SLCO3A1: variants seen among roughly 807,000 people sequenced by gnomAD.
SLCO3A1 encodes PGE1 transporter.
SLCO3A1 carries 27 observed loss-of-function variants against 63.1 expected under a neutral mutation model. The observed-to-expected ratio is 0.43, with a 90% CI of 0.32 to 0.59. The LOEUF (loss-of-function observed/expected upper bound fraction) is 0.59, where lower values mean the gene tolerates loss of function less well. SLCO3A1 is among the 20% of genes least tolerant of loss of function. SLCO3A1 has a pLI of 0.09. For missense variants in SLCO3A1, 773 were observed against 945.8 expected, an observed-to-expected ratio of 0.82 and a Z score of 2.40; for synonymous variants, 473 against 409.9, an observed-to-expected ratio of 1.15 and a Z score of -1.86.
intron 2 of SLCO3A1, among the ~76,000 whole-genome samples, chr15:92,077,524 T>C (rs548848551): frequency 6.6e-6 from 1 of 152,248 alleles, no homozygotes; most frequent in South Asian, 2.1e-4. Flanking sequence ...TTCCCTGGCA[T>C]GAGAAAGCGT....
chr15:92,121,871 C>T (rs887123206), intron 5 of SLCO3A1, among the ~76,000 whole-genome samples: 3 of 152,216 alleles, frequency 2.0e-5, no homozygotes, highest in African/African-American at 7.2e-5. Flanking sequence ...CCAAATGTCT[C>T]TGTTGGCTTT....
chr15:92,111,685 A>G (rs567110836), intron 4 of SLCO3A1, among the ~76,000 whole-genome samples: 2 of 152,166 alleles, frequency 1.3e-5, no homozygotes, highest in Non-Finnish European at 2.9e-5. Context: ...GCACTTCTCA[A>G]GTTATTTCAG....
At chr15:91,983,579 C>T (rs1189625740) in intron 2 of SLCO3A1, among the ~76,000 whole-genome samples, 1 of 152,188 alleles carries the variant, frequency 6.6e-6, no homozygotes, top group Non-Finnish European at 1.5e-5. Flanking sequence ...CTCCTGAGAG[C>T]TCAGCTCACT....
intron 1 of SLCO3A1, among the ~76,000 whole-genome samples, chr15:91,876,677 T>C (rs1476326732): frequency 6.6e-6 from 1 of 152,196 alleles, no homozygotes; most frequent in Non-Finnish European, 1.5e-5. Flanking sequence ...AAGTGGTAGG[T>C]TCCGGAGGCC....
In SLCO3A1 at chr15:91,950,815, T is replaced by A. The variant is rs940196092; in HGVS notation, c.646+34357T>A. ...GTATGTGCAATGCTAATTCTGCCTT[T>A]AGTAATTTGATGACAGAGACTTCTT... On this transcript the variant is annotated intron_variant, in intron 2 of 9. Transcript: ENST00000318445. The surrounding 1 kb of genome is among the most constrained non-coding windows in gnomAD (Gnocchi z 4.4). Among the ~76,000 whole-genome samples the A allele has an allele frequency of 1.3e-5, 2 of 152,272 alleles. No individual in the cohort carries two copies. Among genetic ancestry groups the A allele is most frequent in the Non-Finnish European group, 2.9e-5 (2 of 68,024 alleles).
intron 4 of SLCO3A1, among the ~76,000 whole-genome samples, chr15:92,110,828 G>A (rs981333106): frequency 7.2e-5 from 11 of 151,804 alleles, no homozygotes; most frequent in African/African-American, 2.7e-4. Flanking sequence ...AAGCTCCCCT[G>A]CCCCCTACTT....
rs4075845 is a variant in SLCO3A1 at position 91,854,794 on chromosome 15, T to C, written c.180+706T>C. ...AAATTCCCCATCGTGGTCTGTCGCCTACAGAAGGTTGCACCATTTTCCACA... is the reference window on the plus strand; with the variant it reads ...AAATTCCCCATCGTGGTCTGTCGCCCACAGAAGGTTGCACCATTTTCCACA... On this transcript the variant is annotated intron_variant, in intron 1 of 9. Coordinates refer to ENST00000318445, the MANE Select transcript of SLCO3A1 (RefSeq NM_013272.4). The surrounding 1 kb of genome is among the most constrained non-coding windows in gnomAD (Gnocchi z 6.4). 0.33 allele frequency among the ~76,000 whole-genome samples: 50,585 copies of C among 152,052 alleles called. 10,899 individuals are homozygous for C. Among genetic ancestry groups the C allele is most frequent in the African/African-American group, 0.61 (25,339 of 41,434 alleles).
At chr15:92,021,578 G>C (rs1231216029) in intron 2 of SLCO3A1, among the ~76,000 whole-genome samples, 1 of 152,168 alleles carries the variant, frequency 6.6e-6, no homozygotes, top group Non-Finnish European at 1.5e-5. Context: ...TACACTTAAA[G>C]CAAGTAGGCG....
chr15:92,117,606 C>T (rs1007454140), intron 4 of SLCO3A1, among the ~76,000 whole-genome samples: 1 of 152,122 alleles, frequency 6.6e-6, no homozygotes, highest in Admixed American at 6.5e-5. Flanking sequence ...TACAAGGAGG[C>T]GCTGTTATAA....
Position 91,863,267 on chromosome 15 carries a change from T to G in SLCO3A1, c.180+9179T>G, listed in dbSNP as rs1897090200. The stretch of plus-strand genomic sequence containing the variant: ...CCACCTAGAGCTGTCCCCCTGGAAC[T>G]CAGCTGGCTGTGCTGTCAGCACCAG... On this transcript the variant is annotated intron_variant, in intron 1 of 9. Coordinates refer to ENST00000318445, the MANE Select transcript of SLCO3A1 (RefSeq NM_013272.4). This position sits in a 1 kb window ranked among gnomAD's most constrained non-coding sequence, Gnocchi z 4.3. Among the ~76,000 whole-genome samples the G allele has an allele frequency of 6.6e-6, 1 of 152,230 alleles. No individual in the cohort carries two copies. Among genetic ancestry groups the G allele is most frequent in the African/African-American group, 2.4e-5 (1 of 41,468 alleles).
In SLCO3A1 at chr15:92,119,380, G is replaced by A. The variant is rs145265576; in HGVS notation, c.1010-1085G>A. Reference sequence around the variant, plus strand: ...AAGACCTCAACAATTCCTGCTTTCCGGCTCTGTCATTATTTAAAGTGGTGC... The same window carrying A: ...AAGACCTCAACAATTCCTGCTTTCCAGCTCTGTCATTATTTAAAGTGGTGC... On this transcript the variant is annotated intron_variant, in intron 4 of 9. Coordinates refer to ENST00000318445, the MANE Select transcript of SLCO3A1 (RefSeq NM_013272.4). Among the ~76,000 whole-genome samples the A allele has an allele frequency of 2.2e-3, 341 of 152,212 alleles. 3 individuals are homozygous for A. The highest frequency in any genetic ancestry group is 7.6e-3 in the African/African-American group (314 of 41,528).
chr15:92,065,041 A>T (rs1259255053), intron 2 of SLCO3A1, among the ~76,000 whole-genome samples: 1 of 151,740 alleles, frequency 6.6e-6, no homozygotes, highest in East Asian at 1.9e-4. Flanking sequence ...ATAATGGTTG[A>T]GGTGATAGAT....
At chr15:91,928,743 A>G (rs1899120399) in intron 2 of SLCO3A1, among the ~76,000 whole-genome samples, 1 of 152,216 alleles carries the variant, frequency 6.6e-6, no homozygotes, top group South Asian at 2.1e-4. Flanking sequence ...TGGGAATTTT[A>G]AAAACTCTCA....
intron 8 of SLCO3A1, chr15:92,149,636 C>T (rs2048277742): frequency 6.6e-6 from 1 of 152,244 alleles, no homozygotes; most frequent in Non-Finnish European, 1.5e-5. Flanking sequence ...TTGTCCAGAG[C>T]TTTCAATAGT....
chr15:91,983,372 T>C (rs2046011050), intron 2 of SLCO3A1, among the ~76,000 whole-genome samples: 1 of 152,178 alleles, frequency 6.6e-6, no homozygotes. Context: ...TCTAGAGAAG[T>C]TCTCTCTGGC....
intron 9 of SLCO3A1, among the ~76,000 whole-genome samples, chr15:92,158,658 A>C (rs2048400706): frequency 6.6e-6 from 1 of 152,168 alleles, no homozygotes; most frequent in African/African-American, 2.4e-5. Flanking sequence ...TGAGTGACGA[A>C]CATATAAGGA....
chr15:91,866,120 G>A (rs986673320), intron 1 of SLCO3A1, among the ~76,000 whole-genome samples: 2 of 152,202 alleles, frequency 1.3e-5, no homozygotes, highest in South Asian at 2.1e-4. Flanking sequence ...CTAGTTGGAT[G>A]ATTCGTTAGC....
chr15:91,997,074 C>T (rs368156785), intron 2 of SLCO3A1, among the ~76,000 whole-genome samples: 10 of 152,116 alleles, frequency 6.6e-5, no homozygotes, highest in Non-Finnish European at 1.0e-4. Flanking sequence ...TCTCTTCACT[C>T]GTGATGTGAC....
chr15:92,162,133 C>CTTTTTTTTTTTTTT (rs397854182), intron 9 of SLCO3A1: 2 of 59,348 alleles, frequency 3.4e-5, no homozygotes, highest in Non-Finnish European at 5.8e-5. Context: ...GTTCTAGATG[C>CTTTTTTTTTTTTTT]TTTTTTTTTT....
Sources: allele counts gnomAD v4.1 joint callset (sites outside exome capture counted in the v4.1 genomes callset), GRCh38; gene constraint gnomAD v4.1.1; non-coding constraint Gnocchi (gnomAD v3.1); transcripts MANE v1.5; gene names NCBI Gene and HGNC (gene_info 2026-07-23, HGNC 2026-07-21).